The following TOM1L2 variants were observed in gnomAD, a reference collection of about 807,000 sequenced individuals.
The protein encoded by TOM1L2 is target of myb1 like 2 membrane trafficking protein, also known as TOM1-like protein 2.
In TOM1L2, 31 loss-of-function variants were observed where a neutral mutation model predicts 67.9. The observed-to-expected ratio is 0.46, with a 90% CI of 0.34 to 0.62. TOM1L2 has a LOEUF of 0.62. TOM1L2 is among the 20% of genes least tolerant of loss of function. The probability of loss-of-function intolerance (pLI) is 0.01; values close to 1 mark genes in which losing one functional copy is unlikely to be tolerated. For missense variants in TOM1L2, 606 were observed against 663.5 expected (o/e 0.91, Z 0.95); for synonymous variants, 256 against 254.0 (o/e 1.01, Z -0.07).
intron 1 of TOM1L2, among the ~76,000 whole-genome samples, chr17:17,964,072 G>A (rs1284200601): frequency 6.6e-6 from 1 of 152,188 alleles, no homozygotes; most frequent in African/African-American, 2.4e-5. Context: ...AGAGGTGAGG[G>A]CTGATGGGCA....
In TOM1L2 at chr17:17,967,761, C is replaced by T. The variant is rs143886787; in HGVS notation, c.52+4501G>A. Among the ~76,000 whole-genome samples the T allele has an allele frequency of 8.9e-3, 1,350 of 152,222 alleles. 27 individuals carry two copies. The highest frequency in any genetic ancestry group is 0.03 in the African/African-American group (1,249 of 41,536). On this transcript the variant is annotated intron_variant, in intron 1 of 14. Coordinates refer to ENST00000379504, the MANE Select transcript of TOM1L2 (RefSeq NM_001082968.2). The stretch of plus-strand genomic sequence containing the variant: ...TAGCTGGGATTATACGCGCGTGCCA[C>T]CATGCCCAGCTAATTTTTGTATTTT...
At chr17:17,963,610 G>A (rs557899667) in intron 1 of TOM1L2, among the ~76,000 whole-genome samples, 4 of 152,330 alleles carry the variant, frequency 2.6e-5, no homozygotes, top group Admixed American at 6.5e-5. Flanking sequence ...TCAGCAAGGT[G>A]CCTGGCACAT....
intron 1 of TOM1L2, among the ~76,000 whole-genome samples, chr17:17,956,206 AC>A (rs1374387401): frequency 6.6e-6 from 1 of 152,208 alleles, no homozygotes. Flanking sequence ...TTTTACAGAG[AC>A]CTGATTGGCC....
At chr17:17,865,987 C>A (rs1023434226) in intron 10 of TOM1L2, among the ~76,000 whole-genome samples, 1 of 152,070 alleles carries the variant, frequency 6.6e-6, no homozygotes, top group Non-Finnish European at 1.5e-5. Context: ...GGTGATCCAC[C>A]CACCTCGGCC....
intron 1 of TOM1L2, among the ~76,000 whole-genome samples, chr17:17,943,207 A>C (rs1421983442): frequency 1.3e-5 from 2 of 152,232 alleles, no homozygotes; most frequent in African/African-American, 2.4e-5. Context: ...AGGCAGAAGC[A>C]GGTCTCAAAC....
intron 11 of TOM1L2, 55 bp from the exon 12 acceptor site, chr17:17,861,606 G>T: frequency 6.6e-7 from 1 of 1,519,098 alleles, no homozygotes; most frequent in Non-Finnish European, 9.1e-7. Context: ...TGGTCATGGA[G>T]GGATGGGGTA....
At chr17:17,891,996 G>T (rs1324095184) in intron 4 of TOM1L2, among the ~76,000 whole-genome samples, 4 of 152,086 alleles carry the variant, frequency 2.6e-5, no homozygotes, top group Admixed American at 1.3e-4. Context: ...TAGACCCTGG[G>T]GACAGCATGT....
At chr17:17,866,810 A>T in intron 9 of TOM1L2, 66 bp downstream of exon 9, 1 of 1,461,532 alleles carries the variant, frequency 6.8e-7, no homozygotes, top group Non-Finnish European at 9.6e-7. Context: ...AGGTCTCTCC[A>T]GCCTCCAAAA....
At chr17:17,940,495 G>A (rs1002995857) in intron 1 of TOM1L2, among the ~76,000 whole-genome samples, 1 of 152,168 alleles carries the variant, frequency 6.6e-6, no homozygotes, top group African/African-American at 2.4e-5. Context: ...GATGGACTCT[G>A]GCATGCCATA....
intron 1 of TOM1L2, among the ~76,000 whole-genome samples, chr17:17,941,558 G>T (rs756002024): frequency 3.9e-5 from 6 of 152,168 alleles, no homozygotes; most frequent in Non-Finnish European, 8.8e-5. Context: ...CAAGCCACGA[G>T]GAGATATCCA....
At chr17:17,917,450 C>CTTTT (rs71155307) in intron 1 of TOM1L2, among the ~76,000 whole-genome samples, 2 of 36,362 alleles carry the variant, frequency 5.5e-5, no homozygotes, top group Non-Finnish European at 1.0e-4. Context: ...TACCATTGGT[C>CTTTT]TTTTTTTTTT....
At chr17:17,906,419 G>C (rs769922740) in intron 2 of TOM1L2, among the ~76,000 whole-genome samples, 1 of 151,744 alleles carries the variant, frequency 6.6e-6, no homozygotes, top group East Asian at 1.9e-4. Flanking sequence ...GTGACCCACC[G>C]AGCCCAGCCA....
At chr17:17,919,534 A>G (rs2039766494) in intron 1 of TOM1L2, among the ~76,000 whole-genome samples, 1 of 152,250 alleles carries the variant, frequency 6.6e-6, no homozygotes, top group African/African-American at 2.4e-5. Context: ...GAGCAGGCAC[A>G]CCACAATTTC....
At chr17:17,961,656 G>A (rs2041682708) in intron 1 of TOM1L2, among the ~76,000 whole-genome samples, 1 of 152,118 alleles carries the variant, frequency 6.6e-6, no homozygotes, top group Non-Finnish European at 1.5e-5. Flanking sequence ...GGCGCATCAT[G>A]AGGTGAGGAG....
chr17:17,962,730 TG>T (rs1164157295), intron 1 of TOM1L2, among the ~76,000 whole-genome samples: 2 of 151,828 alleles, frequency 1.3e-5, no homozygotes, highest in South Asian at 2.1e-4. Flanking sequence ...GAGGCTGAGG[TG>T]GGTGGAATCA....
intron 1 of TOM1L2, among the ~76,000 whole-genome samples, chr17:17,963,469 C>T (rs553083366): frequency 6.6e-6 from 1 of 152,200 alleles, no homozygotes; most frequent in South Asian, 2.1e-4. Flanking sequence ...AGGACCGCTC[C>T]GCCTACTTGA....
chr17:17,960,035 G>A (rs1189918350), intron 1 of TOM1L2, among the ~76,000 whole-genome samples: 2 of 152,214 alleles, frequency 1.3e-5, no homozygotes, highest in East Asian at 1.9e-4. Flanking sequence ...AAGAAAGCAC[G>A]TCCTTTGAGG....
chr17:17,889,894 C>T (rs567004410), intron 4 of TOM1L2, among the ~76,000 whole-genome samples: 31 of 152,290 alleles, frequency 2.0e-4, no homozygotes, highest in South Asian at 6.2e-4. Context: ...CCTGATACCA[C>T]GATGGTGCAG....
At chr17:17,943,533 G>A (rs1372906659) in intron 1 of TOM1L2, among the ~76,000 whole-genome samples, 1 of 152,182 alleles carries the variant, frequency 6.6e-6, no homozygotes, top group Non-Finnish European at 1.5e-5. Flanking sequence ...AGGAGAGAAG[G>A]AGCAGCCAGT....
Sources: allele counts gnomAD v4.1 joint callset (sites outside exome capture counted in the v4.1 genomes callset), GRCh38; gene constraint gnomAD v4.1.1; transcripts MANE v1.5; gene names NCBI Gene and HGNC (gene_info 2026-07-23, HGNC 2026-07-21).